EVA1A: variants seen among roughly 807,000 people sequenced by gnomAD.
The protein encoded by EVA1A is eva-1 homolog A, regulator of programmed cell death.
Under a neutral mutation model 9.8 loss-of-function variants are expected in EVA1A, and 7 were observed. That is an observed-to-expected ratio of 0.71 (90% CI 0.41 to 1.34). The LOEUF (loss-of-function observed/expected upper bound fraction) is 1.34. Ranked by LOEUF, EVA1A falls within the 40% of genes most tolerant of loss-of-function variation. EVA1A has a pLI of 0.01. For missense variants in EVA1A, 206 were observed against 205.9 expected (o/e 1.00, Z 0.00); for synonymous variants, 90 against 85.6 (o/e 1.05, Z -0.28).
intron 1 of EVA1A, among the ~76,000 whole-genome samples, chr2:75,557,980 G>A (rs77432082): frequency 0.043 from 6,547 of 152,276 alleles, 227 homozygotes; most frequent in African/African-American, 0.089. Context: ...CCCTTTACCC[G>A]CATAGTGTAA....
intron 3 of EVA1A, among the ~76,000 whole-genome samples, chr2:75,497,892 C>T (rs1674270180): frequency 7.0e-6 from 1 of 143,638 alleles, no homozygotes. Context: ...TAAATTAGTT[C>T]AGCCCCTGTG....
chr2:75,553,585 T>C (rs1335025863), intron 1 of EVA1A, among the ~76,000 whole-genome samples: 1 of 152,210 alleles, frequency 6.6e-6, no homozygotes. Context: ...GTTGGCAGCT[T>C]GAGCTGAGCA....
At chr2:75,548,958 T>C (rs1676425094) in intron 1 of EVA1A, among the ~76,000 whole-genome samples, 2 of 149,220 alleles carry the variant, frequency 1.3e-5, no homozygotes, top group South Asian at 2.1e-4. Context: ...AATTATTAAA[T>C]GAACTGATGA....
At chr2:75,536,871 T>C (rs1270130263) in intron 1 of EVA1A, among the ~76,000 whole-genome samples, 1 of 152,036 alleles carries the variant, frequency 6.6e-6, no homozygotes, top group Non-Finnish European at 1.5e-5. Flanking sequence ...GAAAATTCTA[T>C]CAAATGTTTA....
chr2:75,501,890 C>A (rs964989464), intron 3 of EVA1A, among the ~76,000 whole-genome samples: 3 of 152,182 alleles, frequency 2.0e-5, no homozygotes, highest in Non-Finnish European at 4.4e-5. Flanking sequence ...TTGAAGAGAA[C>A]CTGCCTAGGT....
At chr2:75,533,804 ATTAT>A (rs566181455) in intron 1 of EVA1A, among the ~76,000 whole-genome samples, 3 of 150,668 alleles carry the variant, frequency 2.0e-5, no homozygotes, top group East Asian at 1.9e-4. Context: ...ATTTTATTTT[ATTAT>A]TTATTTATTT....
At chr2:75,531,887 C>T (rs1027337834) in intron 1 of EVA1A, among the ~76,000 whole-genome samples, 4 of 152,074 alleles carry the variant, frequency 2.6e-5, no homozygotes, top group East Asian at 1.9e-4. Flanking sequence ...TGGCTGAGCG[C>T]GGTGGCTCAC....
intron 1 of EVA1A, among the ~76,000 whole-genome samples, chr2:75,554,132 A>G (rs1676619851): frequency 6.6e-6 from 1 of 152,180 alleles, no homozygotes; most frequent in Non-Finnish European, 1.5e-5. Context: ...CCTTGCAGAA[A>G]CAAGATCCCC....
At chr2:75,568,541 G>C (rs1677068843) in intron 1 of EVA1A, among the ~76,000 whole-genome samples, 1 of 151,902 alleles carries the variant, frequency 6.6e-6, no homozygotes, top group Non-Finnish European at 1.5e-5. Flanking sequence ...TGATTTCTGA[G>C]ATGTTAGTGC....
chr2:75,508,688 A>G (rs990464364), intron 3 of EVA1A, among the ~76,000 whole-genome samples: 1 of 151,926 alleles, frequency 6.6e-6, no homozygotes, highest in Non-Finnish European at 1.5e-5. Flanking sequence ...ACCTATTTGC[A>G]CACTCCCTCC....
intron 3 of EVA1A, among the ~76,000 whole-genome samples, chr2:75,499,618 G>C (rs1674338226): frequency 6.6e-6 from 1 of 152,078 alleles, no homozygotes; most frequent in African/African-American, 2.4e-5. Flanking sequence ...GAGTTCCCTA[G>C]GAGCCCTTTT....
At chr2:75,538,783 G>C (rs1676008202) in intron 1 of EVA1A, among the ~76,000 whole-genome samples, 1 of 152,168 alleles carries the variant, frequency 6.6e-6, no homozygotes, top group Non-Finnish European at 1.5e-5. Flanking sequence ...CAACATTCTT[G>C]AAATGACAAA....
intron 1 of EVA1A, among the ~76,000 whole-genome samples, chr2:75,541,050 C>T (rs1256094455): frequency 1.3e-5 from 2 of 152,128 alleles, no homozygotes; most frequent in Non-Finnish European, 1.5e-5. Context: ...GGGAGTCACT[C>T]GCATGGTGTG....
intron 3 of EVA1A, among the ~76,000 whole-genome samples, chr2:75,506,184 G>T (rs183728085): frequency 6.6e-6 from 1 of 152,272 alleles, no homozygotes; most frequent in Admixed American, 6.5e-5. Context: ...TTGTTATGAG[G>T]AAATATTTTT....
chr2:75,566,663 G>T (rs1677034794), intron 1 of EVA1A, among the ~76,000 whole-genome samples: 1 of 152,316 alleles, frequency 6.6e-6, no homozygotes, highest in Non-Finnish European at 1.5e-5. Context: ...GAAGAATAGA[G>T]ATTTAAATAC....
Position 75,545,322 on chromosome 2 carries a change from A to G in EVA1A, c.-192+15358T>C, listed in dbSNP as rs558956578. The stretch of plus-strand genomic sequence containing the variant: ...AAAAAAATGCTTTTTGAATTAATCA[A>G]TGAAGCAGAAATAGTGTGTCCCTTG... On this transcript the variant is annotated intron_variant, in intron 1 of 3. Transcript: ENST00000393913. 3.9e-5 allele frequency among the ~76,000 whole-genome samples: 6 copies of G among 152,386 alleles called. No individual in the cohort carries two copies. The South Asian group carries it at 1.0e-3, about 26-fold the overall frequency.
chr2:75,562,341 T>G (rs1676943312), upstream of EVA1A, among the ~76,000 whole-genome samples: 1 of 152,190 alleles, frequency 6.6e-6, no homozygotes, highest in Non-Finnish European at 1.5e-5. Flanking sequence ...CAGTTTTTTT[T>G]CAGATGCTCT....
At chr2:75,537,796 C>T (rs1053411122) in intron 1 of EVA1A, among the ~76,000 whole-genome samples, 3 of 152,270 alleles carry the variant, frequency 2.0e-5, no homozygotes, top group African/African-American at 7.2e-5. Context: ...CTCTCTTGCT[C>T]CTTCTTACCA....
At chr2:75,566,076 C>T (rs551958639) in intron 1 of EVA1A, among the ~76,000 whole-genome samples, 7 of 152,216 alleles carry the variant, frequency 4.6e-5, no homozygotes, top group South Asian at 2.1e-4. Context: ...TTAAGGTCCA[C>T]GGATAGTCAT....
Sources: allele counts gnomAD v4.1 joint callset (sites outside exome capture counted in the v4.1 genomes callset), GRCh38; gene constraint gnomAD v4.1.1; transcripts MANE v1.5; gene names NCBI Gene and HGNC (gene_info 2026-07-23, HGNC 2026-07-21).